THEMIS: variants seen among roughly 807,000 people sequenced by gnomAD.
THEMIS encodes the protein protein THEMIS.
Under a neutral mutation model 52.6 loss-of-function variants are expected in THEMIS, and 37 were observed. The ratio of observed to expected loss-of-function variants is 0.70; its 90% CI spans 0.54 to 0.93. THEMIS has a LOEUF of 0.93. Ranked by LOEUF, THEMIS falls within the 40% of genes least tolerant of loss-of-function variation. The pLI is 0.00. For missense variants in THEMIS, 808 were observed against 763.1 expected (o/e 1.06, Z -0.69); for synonymous variants, 292 against 272.7 (o/e 1.07, Z -0.70).
chr6:127,766,531 C>T (rs1776205747), intron 4 of THEMIS, among the ~76,000 whole-genome samples: 1 of 152,118 alleles, frequency 6.6e-6, no homozygotes, highest in South Asian at 2.1e-4. Flanking sequence ...CTGAGAAATG[C>T]ATCGTTAGTC....
intron 1 of THEMIS, among the ~76,000 whole-genome samples, chr6:127,873,217 C>T (rs554443958): frequency 7.8e-4 from 119 of 152,230 alleles, no homozygotes; most frequent in African/African-American, 2.5e-3. Context: ...GTCAATTTTC[C>T]TCAAATTGAT....
intron 1 of THEMIS, among the ~76,000 whole-genome samples, chr6:127,883,023 C>T (rs1403089431): frequency 6.6e-6 from 1 of 151,898 alleles, no homozygotes; most frequent in Admixed American, 6.6e-5. Context: ...CTTATTCAAT[C>T]AGTTGTAGAG....
intron 4 of THEMIS, among the ~76,000 whole-genome samples, chr6:127,800,647 A>T (rs2114559415): frequency 6.6e-6 from 1 of 152,366 alleles, no homozygotes; most frequent in Middle Eastern, 3.4e-3. Context: ...GGGCTGGGAA[A>T]GGCAGACCCA....
chr6:127,782,232 G>A (rs1776769743), intron 4 of THEMIS, among the ~76,000 whole-genome samples: 1 of 152,104 alleles, frequency 6.6e-6, no homozygotes, highest in Non-Finnish European at 1.5e-5. Flanking sequence ...ACCTTTTTGG[G>A]CTCCATGGGG....
the THEMIS span, among the ~76,000 whole-genome samples, chr6:127,698,666 G>C: frequency 6.6e-6 from 1 of 151,924 alleles, no homozygotes; most frequent in Non-Finnish European, 1.5e-5. Flanking sequence ...TTGTGGGTGT[G>C]GTTTGACATA....
At chr6:127,765,547 ATT>A (rs1379360063) in intron 4 of THEMIS, among the ~76,000 whole-genome samples, 1 of 152,154 alleles carries the variant, frequency 6.6e-6, no homozygotes, top group African/African-American at 2.4e-5. Context: ...TACTCGAGCT[ATT>A]TAATCAAAAT....
chr6:127,851,780 G>C (rs529246963), intron 2 of THEMIS, among the ~76,000 whole-genome samples: 6 of 151,764 alleles, frequency 4.0e-5, no homozygotes, highest in Admixed American at 3.9e-4. Flanking sequence ...AATATAGTTT[G>C]GCAGTTTCTT....
At chr6:127,820,707 GC>G (rs1778309487) in intron 3 of THEMIS, among the ~76,000 whole-genome samples, 1 of 151,830 alleles carries the variant, frequency 6.6e-6, no homozygotes, top group Non-Finnish European at 1.5e-5. Flanking sequence ...CAATTTACTG[GC>G]AACCCAATCT....
intron 1 of THEMIS, among the ~76,000 whole-genome samples, chr6:127,872,906 AC>A (rs1341309678): frequency 6.6e-6 from 1 of 152,230 alleles, no homozygotes; most frequent in African/African-American, 2.4e-5. Context: ...ATCTAAAAAA[AC>A]AAAACAAAAC....
At chr6:127,817,635 T>C in intron 3 of THEMIS, among the ~76,000 whole-genome samples, 1 of 152,050 alleles carries the variant, frequency 6.6e-6, no homozygotes, top group East Asian at 1.9e-4. Flanking sequence ...AATCAACAAC[T>C]CTTCTTAGAT....
At chr6:127,800,698 C>T (rs991937207) in intron 4 of THEMIS, among the ~76,000 whole-genome samples, 1 of 152,136 alleles carries the variant, frequency 6.6e-6, no homozygotes, top group African/African-American at 2.4e-5. Flanking sequence ...GCTTAGAGTG[C>T]AGCAGAATAT....
intron 2 of THEMIS, among the ~76,000 whole-genome samples, chr6:127,854,176 A>T (rs1025763172): frequency 6.6e-6 from 1 of 151,760 alleles, no homozygotes; most frequent in Admixed American, 6.6e-5. Flanking sequence ...AGGTCAGCAA[A>T]CTACAGTAGA....
intron 4 of THEMIS, among the ~76,000 whole-genome samples, chr6:127,756,540 C>T (rs1166168536): frequency 1.3e-5 from 2 of 152,128 alleles, no homozygotes; most frequent in Non-Finnish European, 2.9e-5. Context: ...CCTGAAAGTC[C>T]TCTGTCACTC....
At chr6:127,733,770 G>A (rs1774891025) in intron 4 of THEMIS, among the ~76,000 whole-genome samples, 1 of 151,938 alleles carries the variant, frequency 6.6e-6, no homozygotes, top group African/African-American at 2.4e-5. Flanking sequence ...GAACGTTTTG[G>A]GAGGAAGACC....
chr6:127,896,778 A>T (rs533455797), intron 1 of THEMIS, among the ~76,000 whole-genome samples: 3 of 151,612 alleles, frequency 2.0e-5, no homozygotes, highest in African/African-American at 4.8e-5. Flanking sequence ...TTACATAATT[A>T]AATCTTTACC....
chr6:127,790,143 A>G (rs1777109890), intron 4 of THEMIS, among the ~76,000 whole-genome samples: 2 of 152,230 alleles, frequency 1.3e-5, no homozygotes, highest in Admixed American at 1.3e-4. Flanking sequence ...GTCTCATCCC[A>G]AAATGTCCTT....
At chr6:127,750,799 C>T (rs903644324) in intron 4 of THEMIS, among the ~76,000 whole-genome samples, 10 of 151,682 alleles carry the variant, frequency 6.6e-5, no homozygotes, top group Non-Finnish European at 1.3e-4. Flanking sequence ...TTAGCAGAAA[C>T]CCTACAGGCC....
At chr6:127,856,298 T>G (rs1278888286) in intron 1 of THEMIS, among the ~76,000 whole-genome samples, 1 of 151,958 alleles carries the variant, frequency 6.6e-6, no homozygotes, top group East Asian at 1.9e-4. Context: ...TGGTATCCAA[T>G]CTAGCTCTAA....
chr6:127,713,435 C>T (rs1264119421), intron 5 of THEMIS, among the ~76,000 whole-genome samples: 1 of 151,790 alleles, frequency 6.6e-6, no homozygotes, highest in African/African-American at 2.4e-5. Flanking sequence ...TACTGTGAAC[C>T]TCTTATGAGC....
Sources: allele counts gnomAD v4.1 joint callset (sites outside exome capture counted in the v4.1 genomes callset), GRCh38; gene constraint gnomAD v4.1.1; transcripts MANE v1.5; gene names NCBI Gene and HGNC (gene_info 2026-07-23, HGNC 2026-07-21).